GDPD5: variants seen among roughly 807,000 people sequenced by gnomAD.
GDPD5 encodes glycerophosphodiester phosphodiesterase 2.
GDPD5 carries 48 observed loss-of-function variants against 75.1 expected under a neutral mutation model. That is an observed-to-expected ratio of 0.64 (90% CI 0.51 to 0.81). The LOEUF (loss-of-function observed/expected upper bound fraction) is 0.81, where lower values mean the gene tolerates loss of function less well. GDPD5 is among the 40% of genes least tolerant of loss of function. GDPD5 has a pLI of 0.00. For missense variants in GDPD5, 706 were observed against 822.6 expected, an observed-to-expected ratio of 0.86 and a Z score of 1.73; for synonymous variants, 336 against 339.0, an observed-to-expected ratio of 0.99 and a Z score of 0.10.
In GDPD5 at chr11:75,434,805, C is replaced by G. The variant is rs1262023197; in HGVS notation, c.*702G>C. The G allele has an allele frequency of 2.0e-5, 3 of 152,408 alleles. No individual in the cohort carries two copies. The highest frequency in any genetic ancestry group is 7.2e-5 in the African/African-American group (3 of 41,470). 9.4% of individuals were successfully genotyped at this position (152,408 alleles called of 1,614,324 possible). On this transcript the variant is annotated 3_prime_UTR_variant, in exon 17 of 17. Transcript: ENST00000336898. ...CTGAGGTCACATCAGTCTGTGGACT[C>G]CTGGGTTAGGTGACCCTTCTGCCTT...
At chr11:75,481,071 A>C (rs1949904439) in intron 2 of GDPD5, among the ~76,000 whole-genome samples, 1 of 152,112 alleles carries the variant, frequency 6.6e-6, no homozygotes, top group South Asian at 2.1e-4. Context: ...CACGAGCCTT[A>C]TGGTAAGTGC....
intron 1 of GDPD5, among the ~76,000 whole-genome samples, chr11:75,523,415 G>A (rs1251232021): frequency 1.3e-5 from 2 of 152,230 alleles, no homozygotes; most frequent in Admixed American, 6.5e-5. Context: ...CCCTGGGGAA[G>A]TGGTTTTACC....
At chr11:75,523,261 C>T (rs942369129) in intron 1 of GDPD5, among the ~76,000 whole-genome samples, 1 of 152,158 alleles carries the variant, frequency 6.6e-6, no homozygotes, top group Non-Finnish European at 1.5e-5. Context: ...AGTAGACTCA[C>T]GCCCACCTGG....
At position 75,434,783 on chromosome 11, in the gene GDPD5, A is replaced by AT. The variant is rs1948583622; in HGVS notation, c.*723_*724insA. ...CTGTGGCCACTGATGTGGGAACCTG[A>AT]GGTCACATCAGTCTGTGGACTCCTG... is the stretch of plus-strand genomic sequence containing the variant. On this transcript the variant is annotated 3_prime_UTR_variant, in exon 17 of 17. Transcript: ENST00000336898. The AT allele has an allele frequency of 1.3e-5, 2 of 152,328 alleles. No homozygotes were observed. Among genetic ancestry groups the AT allele is most frequent in the South Asian group, 4.1e-4 (2 of 4,826 alleles). The allele number at this position is 152,328 out of a possible 1,614,324, so 9.4% of individuals were successfully genotyped here. A position where few individuals can be genotyped will look rare whatever the true frequency, so the allele number is the denominator to read the frequency against.
chr11:75,444,275 G>C, intron 10 of GDPD5, 138 bp downstream of exon 10: 2 of 661,328 alleles, frequency 3.0e-6, no homozygotes, highest in Non-Finnish European at 5.5e-6. Context: ...CAGGGTGCCT[G>C]CCCTGCTGTG....
intron 3 of GDPD5, among the ~76,000 whole-genome samples, chr11:75,468,120 C>G (rs1057495661): frequency 1.3e-5 from 2 of 152,304 alleles, no homozygotes; most frequent in African/African-American, 4.8e-5. Context: ...GCTACAGGCC[C>G]CTGCCACTGT....
chr11:75,510,064 CG>C (rs1950483664), intron 1 of GDPD5, among the ~76,000 whole-genome samples: 1 of 152,232 alleles, frequency 6.6e-6, no homozygotes, highest in Non-Finnish European at 1.5e-5. Flanking sequence ...CTCCCAGTCA[CG>C]GGACACCAAG....
Position 75,435,344 on chromosome 11 carries a change from G to T in GDPD5, c.*163C>A. On this transcript the variant is annotated 3_prime_UTR_variant, in exon 17 of 17. Coordinates refer to ENST00000336898, the MANE Select transcript of GDPD5 (RefSeq NM_030792.8). ...TGGCCCAGCTGGGCCTCAGGAGACA[G>T]GGAGTCCCCCTCAAGAGAGGCTGCG... is the stretch of plus-strand genomic sequence containing the variant. 1.7e-6 allele frequency: 1 copy of T among 582,954 alleles called. No individual in the cohort carries two copies. The highest frequency in any genetic ancestry group is 2.9e-6 in the Non-Finnish European group (1 of 347,302). 36.1% of individuals were successfully genotyped at this position (582,954 alleles called of 1,614,324 possible).
At chr11:75,503,302 T>C (rs1413905534) in intron 1 of GDPD5, among the ~76,000 whole-genome samples, 3 of 152,250 alleles carry the variant, frequency 2.0e-5, no homozygotes, top group African/African-American at 4.8e-5. Context: ...ATTACAGGCA[T>C]GAGCCACCAC....
chr11:75,518,101 G>C (rs1237547103), intron 1 of GDPD5, among the ~76,000 whole-genome samples: 1 of 152,244 alleles, frequency 6.6e-6, no homozygotes, highest in African/African-American at 2.4e-5. Flanking sequence ...GGCTGGGGCA[G>C]GGAGTTCAGG....
At chr11:75,445,969 T>C (rs1281691129) in intron 9 of GDPD5, among the ~76,000 whole-genome samples, 2 of 152,252 alleles carry the variant, frequency 1.3e-5, no homozygotes, top group African/African-American at 4.8e-5. Flanking sequence ...CATACAGCAC[T>C]CTTGGAGGAC....
intron 1 of GDPD5, among the ~76,000 whole-genome samples, chr11:75,505,919 G>A (rs1950388424): frequency 1.3e-5 from 2 of 152,162 alleles, no homozygotes; most frequent in Admixed American, 1.3e-4. Flanking sequence ...TTCTCTCCAA[G>A]AATTCTGACT....
intron 13 of GDPD5, 93 bp downstream of exon 13, chr11:75,441,543 CGTGTGTGTGT>C: frequency 4.2e-6 from 4 of 952,168 alleles, no homozygotes; most frequent in Non-Finnish European, 6.1e-6. Context: ...TCTGCCCGAC[CGTGTGTGTGT>C]GTGTGTGTGT....
intron 2 of GDPD5, among the ~76,000 whole-genome samples, chr11:75,489,230 C>G (rs532538269): frequency 3.3e-5 from 5 of 152,096 alleles, no homozygotes; most frequent in Non-Finnish European, 5.9e-5. Flanking sequence ...TTTTCTTAAA[C>G]CTCTGATATC....
intron 3 of GDPD5, among the ~76,000 whole-genome samples, chr11:75,468,784 T>C (rs12794222): frequency 0.019 from 2,819 of 152,000 alleles, 58 homozygotes; most frequent in Middle Eastern, 0.031. Flanking sequence ...GTAAGAAATA[T>C]TGGGGTCAAA....
chr11:75,458,189 C>T (rs912272218), intron 4 of GDPD5, among the ~76,000 whole-genome samples: 5 of 152,194 alleles, frequency 3.3e-5, no homozygotes, highest in African/African-American at 4.8e-5. Flanking sequence ...CATCCCCTCT[C>T]GTCTCTGCTT....
At chr11:75,485,269 T>C (rs896819699) in intron 2 of GDPD5, 1 of 152,124 alleles carries the variant, frequency 6.6e-6, no homozygotes, top group Non-Finnish European at 1.5e-5. Context: ...TGGACATGTG[T>C]CAAACCCCAT....
Position 75,435,393 on chromosome 11 carries a change from A to G in GDPD5, c.*114T>C, listed in dbSNP as rs1010187248. 6 of 1,000,892 alleles carry G rather than the reference A, an allele frequency of 6.0e-6. No homozygotes were observed. Among genetic ancestry groups the G allele is most frequent in the Non-Finnish European group, 7.2e-6 (5 of 697,224 alleles). 62.0% of individuals were successfully genotyped at this position (1,000,892 alleles called of 1,614,324 possible). A position where few individuals can be genotyped will look rare whatever the true frequency, so the allele number is the denominator to read the frequency against. On this transcript the variant is annotated 3_prime_UTR_variant, in exon 17 of 17. Transcript: ENST00000336898. Reference sequence around the variant, plus strand: ...CGGCTGACAAGGGGCTGGAGCCCACAAGGAGGCTGTGGAGCCCGCTCCCAG... The same window carrying G: ...CGGCTGACAAGGGGCTGGAGCCCACGAGGAGGCTGTGGAGCCCGCTCCCAG...
At chr11:75,436,833 TATGTGCCAC>T in intron 16 of GDPD5, 94 bp downstream of exon 16, 1 of 828,260 alleles carries the variant, frequency 1.2e-6, no homozygotes, top group Non-Finnish European at 2.0e-6. Flanking sequence ...TCCCTACCCA[TATGTGCCAC>T]ATGTGAATGT....
Sources: allele counts gnomAD v4.1 joint callset (sites outside exome capture counted in the v4.1 genomes callset), GRCh38; gene constraint gnomAD v4.1.1; transcripts MANE v1.5; gene names NCBI Gene and HGNC (gene_info 2026-07-23, HGNC 2026-07-21).